Variants in PMS1 observed in about 807,000 individuals in gnomAD.
PMS1 encodes PMS1 homolog 1, mismatch repair system component.
PMS1 carries 79 observed loss-of-function variants against 93.1 expected under a neutral mutation model. That is an observed-to-expected ratio of 0.85 (90% CI 0.71 to 1.02). The LOEUF is 1.02. PMS1 is among the 50% of genes least tolerant of loss of function. The pLI, the probability that PMS1 is intolerant of heterozygous loss-of-function variation, is 0.00. For synonymous variants in PMS1, 335 were observed against 363.4 expected (o/e 0.92, Z 0.89); for missense variants, 1,064 against 1,085.3 (o/e 0.98, Z 0.28).
At chr2:189,858,831 A>G (rs1395186867) in intron 9 of PMS1, among the ~76,000 whole-genome samples, 1 of 152,146 alleles carries the variant, frequency 6.6e-6, no homozygotes, top group Non-Finnish European at 1.5e-5. Flanking sequence ...AATGTAGTTT[A>G]CAGTGAAATA....
At chr2:189,827,284 T>A (rs761271086) in intron 5 of PMS1, among the ~76,000 whole-genome samples, 13 of 152,220 alleles carry the variant, frequency 8.5e-5, no homozygotes, top group Non-Finnish European at 1.0e-4. Context: ...CACTGTAGAT[T>A]TCTCTTCCAA....
At chr2:189,869,299 T>C (rs1212750399) in intron 11 of PMS1, among the ~76,000 whole-genome samples, 1 of 152,200 alleles carries the variant, frequency 6.6e-6, no homozygotes, top group Non-Finnish European at 1.5e-5. Flanking sequence ...TGCTCACATA[T>C]TCTCTTTTCT....
chr2:189,873,689 A>G (rs1052582958), intron 12 of PMS1, 33 bp downstream of exon 12: 2 of 1,524,384 alleles, frequency 1.3e-6, no homozygotes, highest in South Asian at 1.1e-5. Flanking sequence ...GTTATTGTAT[A>G]CAGGGGTCCC....
At chr2:189,832,690 C>T (rs2053058589) in intron 5 of PMS1, among the ~76,000 whole-genome samples, 2 of 152,188 alleles carry the variant, frequency 1.3e-5, no homozygotes, top group South Asian at 4.2e-4. Context: ...TGGTCTTGAT[C>T]TCCTGACCGT....
intron 1 of PMS1, 175 bp from the exon 2 acceptor site, chr2:189,791,615 C>CAAA: frequency 4.9e-5 from 20 of 411,000 alleles, no homozygotes; most frequent in East Asian, 1.8e-4. Flanking sequence ...ATTTCATCTC[C>CAAA]AAAAAAAAAA....
intron 5 of PMS1, among the ~76,000 whole-genome samples, chr2:189,825,442 C>T (rs1351922591): frequency 1.4e-5 from 2 of 147,402 alleles, no homozygotes; most frequent in Non-Finnish European, 2.9e-5. Context: ...GCAGAATTAA[C>T]AGTTTTTTCT....
chr2:189,803,010 A>G (rs1214797887), intron 3 of PMS1, among the ~76,000 whole-genome samples: 1 of 152,218 alleles, frequency 6.6e-6, no homozygotes, highest in African/African-American at 2.4e-5. Flanking sequence ...GAGTACTTTA[A>G]TTAGTGCACA....
rs746749063 is a variant in PMS1 at position 189,793,892 on chromosome 2, C to T, written c.133-1877C>T. Among the ~76,000 whole-genome samples, 167 of 152,240 alleles carry T rather than the reference C, an allele frequency of 1.1e-3. 1 individual carries two copies. Among genetic ancestry groups the T allele is most frequent in the Non-Finnish European group, 2.0e-3 (137 of 68,024 alleles). ...AGATATGTTTTCATAATTAATTAAA[C>T]GTGATGGTACTATTTTGAACATTTA... On this transcript the variant is annotated intron_variant, in intron 2 of 12. Coordinates refer to ENST00000441310, the MANE Select transcript of PMS1 (RefSeq NM_000534.5).
intron 4 of PMS1, among the ~76,000 whole-genome samples, chr2:189,809,459 T>C (rs1031463380): frequency 1.4e-5 from 2 of 146,866 alleles, no homozygotes; most frequent in Non-Finnish European, 3.0e-5. Context: ...TTTTTTTTTT[T>C]TTTTTTTTTT....
intron 5 of PMS1, among the ~76,000 whole-genome samples, chr2:189,819,751 T>C (rs766676261): frequency 3.9e-5 from 6 of 152,190 alleles, no homozygotes; most frequent in Non-Finnish European, 7.3e-5. Flanking sequence ...GAGCTTCTTA[T>C]ACCTTCTGGA....
Position 189,812,879 on chromosome 2 carries a change from C to T in PMS1, c.419-5138C>T, listed in dbSNP as rs13426721. On this transcript the variant is annotated intron_variant, in intron 4 of 12. Transcript: ENST00000441310. ...GGAGGTTTAGCTTAGAAAGTGGTAG[C>T]GTAGGTGTTAGATTATGAAGGGCCT... is the stretch of plus-strand genomic sequence containing the variant. Among the ~76,000 whole-genome samples, 489 of 152,152 alleles carry T rather than the reference C, an allele frequency of 3.2e-3. 1 individual carries two copies. Among genetic ancestry groups the T allele is most frequent in the African/African-American group, 0.011 (475 of 41,510 alleles).
intron 3 of PMS1, among the ~76,000 whole-genome samples, chr2:189,796,656 T>C (rs926376190): frequency 1.3e-5 from 2 of 152,240 alleles, no homozygotes; most frequent in African/African-American, 2.4e-5. Flanking sequence ...ATTTCTCTTA[T>C]AATGTCTTCA....
rs1291579097 is a variant in PMS1 at position 189,852,757 on chromosome 2, C to T, written c.802C>T (p.His268Tyr). 5.0e-6 allele frequency: 8 copies of T among 1,584,430 alleles called. No individual in the cohort carries two copies. The highest frequency in any genetic ancestry group is 6.9e-6 in the Non-Finnish European group (8 of 1,154,400). Reference sequence around the variant, plus strand: ...CATCTTCATAAACAGTCGACCAGTACATCAAAAAGATATCTTAAAGGTAGT... The same window carrying T: ...CATCTTCATAAACAGTCGACCAGTATATCAAAAAGATATCTTAAAGGTAGT... ...SFIFINSRPV[H>Y]QKDILKLIRH... Residue 268 changes from histidine (H) to tyrosine (Y), a missense_variant, in exon 7 of 13, where the codon CAT (histidine) becomes TAT (tyrosine). Transcript: ENST00000441310.
intron 5 of PMS1, among the ~76,000 whole-genome samples, chr2:189,818,448 C>T (rs1242629861): frequency 6.6e-6 from 1 of 152,144 alleles, no homozygotes; most frequent in Admixed American, 6.5e-5. Context: ...GAGGCACCAC[C>T]TATGAACCAG....
chr2:189,825,501 T>C (rs1267200431), intron 5 of PMS1, among the ~76,000 whole-genome samples: 2 of 152,218 alleles, frequency 1.3e-5, no homozygotes, highest in Non-Finnish European at 1.5e-5. Flanking sequence ...CTATTTCATA[T>C]GACAATGCAT....
intron 10 of PMS1, 198 bp downstream of exon 10, chr2:189,864,426 G>T: frequency 1.9e-6 from 1 of 515,318 alleles, no homozygotes; most frequent in Non-Finnish European, 3.7e-6. Flanking sequence ...GGGAGGCCAA[G>T]GTGGGTGGAT....
chr2:189,811,240 G>A (rs2050815773), intron 4 of PMS1, among the ~76,000 whole-genome samples: 1 of 148,260 alleles, frequency 6.7e-6, no homozygotes, highest in African/African-American at 2.5e-5. Context: ...ACATGCCTGT[G>A]ACTGGAATCT....
chr2:189,828,775 C>T (rs142780965), intron 5 of PMS1, among the ~76,000 whole-genome samples: 11 of 151,710 alleles, frequency 7.3e-5, no homozygotes, highest in African/African-American at 2.2e-4. Context: ...TGCCATAAGT[C>T]GCAATGGTCA....
chr2:189,788,991 T>G (rs2048610495), intron 1 of PMS1, among the ~76,000 whole-genome samples: 1 of 152,160 alleles, frequency 6.6e-6, no homozygotes, highest in African/African-American at 2.4e-5. Context: ...GTCCACTGTT[T>G]CCCTGCTTGA....
Sources: allele counts gnomAD v4.1 joint callset (sites outside exome capture counted in the v4.1 genomes callset), GRCh38; gene constraint gnomAD v4.1.1; transcripts MANE v1.5; gene names NCBI Gene and HGNC (gene_info 2026-07-23, HGNC 2026-07-21).